The following LPP variants were observed in gnomAD, a reference collection of about 807,000 sequenced individuals.
The protein encoded by LPP is LIM domain containing preferred translocation partner in lipoma, also known as lipoma-preferred partner.
LPP carries 38 observed loss-of-function variants against 60.4 expected under a neutral mutation model. The observed-to-expected ratio is 0.63, with a 90% CI of 0.49 to 0.83. LPP has a LOEUF of 0.83. Among genes scored for constraint, LPP ranks in the 40% least tolerant of loss-of-function variants. The pLI, the probability that LPP is intolerant of heterozygous loss-of-function variation, is 0.00. For missense variants in LPP, 902 were observed against 783.6 expected (o/e 1.15, Z -1.80); for synonymous variants, 328 against 290.8 (o/e 1.13, Z -1.30).
intron 4 of LPP, among the ~76,000 whole-genome samples, chr3:188,417,082 A>G (rs1310084415): frequency 6.6e-6 from 1 of 152,036 alleles, no homozygotes; most frequent in Non-Finnish European, 1.5e-5. Context: ...ATGGCTGAGG[A>G]CAGCACCTGG....
At chr3:188,434,229 A>C (rs139730212) in intron 4 of LPP, among the ~76,000 whole-genome samples, 2 of 152,318 alleles carry the variant, frequency 1.3e-5, no homozygotes, top group African/African-American at 4.8e-5. Flanking sequence ...TAGTACATTG[A>C]CAAGAGCGTA....
chr3:188,795,736 T>C (rs1745143274), intron 9 of LPP, among the ~76,000 whole-genome samples: 1 of 152,208 alleles, frequency 6.6e-6, no homozygotes, highest in Non-Finnish European at 1.5e-5. Context: ...TCAGCTACTG[T>C]GGATCAGCAT....
chr3:188,597,583 T>C (rs1439659315), intron 6 of LPP, among the ~76,000 whole-genome samples: 1 of 152,138 alleles, frequency 6.6e-6, no homozygotes, highest in African/African-American at 2.4e-5. Flanking sequence ...AGAAACCCAA[T>C]GTTTATAAAC....
intron 1 of LPP, among the ~76,000 whole-genome samples, chr3:188,158,961 C>T (rs1717346480): frequency 1.3e-5 from 2 of 152,186 alleles, no homozygotes; most frequent in African/African-American, 4.8e-5. Context: ...CTGTTCTAGC[C>T]CCTTTTTCTC....
intron 2 of LPP, among the ~76,000 whole-genome samples, chr3:188,327,191 A>G (rs894069206): frequency 6.6e-6 from 1 of 152,204 alleles, no homozygotes; most frequent in Non-Finnish European, 1.5e-5. Context: ...GAGAAAAGCC[A>G]GTACTCCTGG....
At chr3:188,782,404 G>A (rs1740093327) in intron 9 of LPP, among the ~76,000 whole-genome samples, 1 of 152,132 alleles carries the variant, frequency 6.6e-6, no homozygotes, top group Admixed American at 6.5e-5. Flanking sequence ...AAGGGATCAA[G>A]TTTCTTTAGT....
At position 188,277,737 on chromosome 3, in the gene LPP, G is replaced by C. The variant is rs903027394; in HGVS notation, c.-67+52210G>C. On this transcript the variant is annotated intron_variant, in intron 2 of 11. Coordinates refer to ENST00000617246, the MANE Select transcript of LPP (RefSeq NM_001375462.1). Reference sequence around the variant, plus strand: ...TCCTTGTTATGGGATAAGGTTCTTGGAGCTACATTTAACACTCAGTCCTAG... The same window carrying C: ...TCCTTGTTATGGGATAAGGTTCTTGCAGCTACATTTAACACTCAGTCCTAG... 2.2e-4 allele frequency among the ~76,000 whole-genome samples: 33 copies of C among 152,076 alleles called. 2 individuals carry two copies. Among genetic ancestry groups the C allele is most frequent in the Admixed American group, 6.5e-5 (1 of 15,274 alleles).
chr3:188,663,821 C>T (rs1034140707), intron 7 of LPP, among the ~76,000 whole-genome samples: 3 of 152,140 alleles, frequency 2.0e-5, no homozygotes, highest in African/African-American at 7.2e-5. Context: ...GCATTAGAGT[C>T]TCATAAGGGG....
chr3:188,600,750 T>C (rs1356230466), intron 6 of LPP, among the ~76,000 whole-genome samples: 3 of 152,144 alleles, frequency 2.0e-5, no homozygotes, highest in South Asian at 2.1e-4. Flanking sequence ...TTCTGCTTTC[T>C]AGCTTTATAA....
chr3:188,470,515 G>A (rs1161796721), intron 4 of LPP, among the ~76,000 whole-genome samples: 1 of 152,102 alleles, frequency 6.6e-6, no homozygotes, highest in Non-Finnish European at 1.5e-5. Flanking sequence ...GGTGCTTTTA[G>A]GATAGACTGA....
intron 3 of LPP, among the ~76,000 whole-genome samples, chr3:188,358,675 G>A (rs998373505): frequency 2.6e-5 from 4 of 152,148 alleles, no homozygotes; most frequent in African/African-American, 9.7e-5. Context: ...CCGAAAGAGT[G>A]TGCGCTGAGA....
chr3:188,171,778 G>T (rs768931645), intron 1 of LPP, among the ~76,000 whole-genome samples: 2 of 152,194 alleles, frequency 1.3e-5, no homozygotes, highest in Non-Finnish European at 2.9e-5. Flanking sequence ...GCACTACTAG[G>T]TTCTCAGCGT....
intron 3 of LPP, among the ~76,000 whole-genome samples, chr3:188,374,838 T>TG (rs1774468254): frequency 6.6e-6 from 1 of 152,110 alleles, no homozygotes; most frequent in East Asian, 1.9e-4. Flanking sequence ...ATATTGGCTG[T>TG]GGGTTTGTCA....
chr3:188,866,722 T>C (rs1408161488), intron 10 of LPP, among the ~76,000 whole-genome samples: 1 of 152,190 alleles, frequency 6.6e-6, no homozygotes, highest in African/African-American at 2.4e-5. Context: ...ACATTTGGCA[T>C]TGTTCAACTT....
intron 6 of LPP, among the ~76,000 whole-genome samples, chr3:188,543,628 C>T (rs999509865): frequency 1.4e-4 from 21 of 152,108 alleles, no homozygotes; most frequent in African/African-American, 4.6e-4. Flanking sequence ...GTCATGGGAG[C>T]CTCTCCATGT....
chr3:188,773,419 TAAGAC>T (rs141439896), intron 9 of LPP, among the ~76,000 whole-genome samples: 3,452 of 152,182 alleles, frequency 0.023, 113 homozygotes, highest in African/African-American at 0.074. Context: ...TATGGGGAAA[TAAGAC>T]AAGAGCGAGG....
intron 7 of LPP, among the ~76,000 whole-genome samples, chr3:188,681,623 G>C (rs1472565285): frequency 6.6e-6 from 1 of 152,094 alleles, no homozygotes; most frequent in Non-Finnish European, 1.5e-5. Flanking sequence ...ACTTCTCAAA[G>C]TATGCTCTTA....
At chr3:188,272,367 G>T (rs1738056984) in intron 2 of LPP, among the ~76,000 whole-genome samples, 1 of 152,138 alleles carries the variant, frequency 6.6e-6, no homozygotes, top group African/African-American at 2.4e-5. Context: ...TTCTTTAACG[G>T]CAAACAGAAC....
At chr3:188,228,550 A>G (rs926989161) in intron 2 of LPP, among the ~76,000 whole-genome samples, 14 of 152,176 alleles carry the variant, frequency 9.2e-5, no homozygotes, top group African/African-American at 3.4e-4. Context: ...TTGGGAGGCC[A>G]TGGCAGGAAG....
Sources: allele counts gnomAD v4.1 joint callset (sites outside exome capture counted in the v4.1 genomes callset), GRCh38; gene constraint gnomAD v4.1.1; transcripts MANE v1.5; gene names NCBI Gene and HGNC (gene_info 2026-07-23, HGNC 2026-07-21).